The following KIAA1217 variants were observed in gnomAD, a reference collection of about 807,000 sequenced individuals.
The protein encoded by KIAA1217 is KIAA1217, also known as sickle tail protein homolog.
A neutral mutation model predicts 163.9 loss-of-function variants in KIAA1217; 88 were observed. The ratio of observed to expected loss-of-function variants is 0.54; its 90% CI spans 0.45 to 0.64. The LOEUF (loss-of-function observed/expected upper bound fraction) is 0.64. KIAA1217 is among the 30% of genes least tolerant of loss of function. The probability of loss-of-function intolerance (pLI) is 0.00; values close to 1 mark genes in which losing one functional copy is unlikely to be tolerated. For synonymous variants in KIAA1217, 903 were observed against 923.1 expected, an observed-to-expected ratio of 0.98 and a Z score of 0.39; for missense variants, 2,372 against 2,475.0, an observed-to-expected ratio of 0.96 and a Z score of 0.88.
chr10:24,400,094 T>C (rs745827202), intron 3 of KIAA1217, among the ~76,000 whole-genome samples: 8 of 152,242 alleles, frequency 5.3e-5, no homozygotes, highest in Non-Finnish European at 1.0e-4. Flanking sequence ...ACTGATCATT[T>C]ATTTTTTAAA....
Position 24,536,329 on chromosome 10 carries a change from G to A in KIAA1217, c.3415-445G>A, listed in dbSNP as rs958717907. ...AAGGATTGCTAAGAGTACTTTTATT[G>A]TAAGACTTAAAGGTTTAAAACGTCT... On this transcript the variant is annotated intron_variant, in intron 16 of 20. Transcript: ENST00000376454. Among the ~76,000 whole-genome samples the A allele has an allele frequency of 2.6e-5, 4 of 152,180 alleles. No homozygotes were observed. In the South Asian group the frequency reaches 8.3e-4, roughly 32 times the overall value.
chr10:23,853,452 C>G (rs1490440658), intron 1 of KIAA1217, among the ~76,000 whole-genome samples: 1 of 152,172 alleles, frequency 6.6e-6, no homozygotes, highest in Non-Finnish European at 1.5e-5. Flanking sequence ...CAATGTTCAT[C>G]AAGGATATTG....
chr10:23,967,363 A>C (rs1343564703), intron 1 of KIAA1217, among the ~76,000 whole-genome samples: 1 of 152,188 alleles, frequency 6.6e-6, no homozygotes, highest in Non-Finnish European at 1.5e-5. Context: ...TTATTATAAC[A>C]AAAACAAATA....
At chr10:23,935,653 A>C (rs1311209702) in intron 1 of KIAA1217, among the ~76,000 whole-genome samples, 1 of 141,034 alleles carries the variant, frequency 7.1e-6, no homozygotes, top group Non-Finnish European at 1.5e-5. Flanking sequence ...TTGATAAAAC[A>C]AATAAAAGGT....
intron 5 of KIAA1217, among the ~76,000 whole-genome samples, chr10:24,465,722 G>A (rs1041636681): frequency 1.3e-5 from 2 of 152,196 alleles, no homozygotes; most frequent in African/African-American, 4.8e-5. Flanking sequence ...GCTGAGAGCT[G>A]CACAAGTCAC....
intron 3 of KIAA1217, among the ~76,000 whole-genome samples, chr10:24,389,840 C>T (rs2054595068): frequency 6.6e-6 from 1 of 151,888 alleles, no homozygotes; most frequent in South Asian, 2.1e-4. Flanking sequence ...TGTTTTTTTT[C>T]AGCATTATTT....
intron 2 of KIAA1217, among the ~76,000 whole-genome samples, chr10:24,120,011 C>T (rs1379677809): frequency 1.3e-5 from 2 of 152,176 alleles, no homozygotes; most frequent in Non-Finnish European, 2.9e-5. Flanking sequence ...CTCCAGCTTT[C>T]CCTATTCTTT....
intron 1 of KIAA1217, among the ~76,000 whole-genome samples, chr10:23,792,189 T>C (rs1835980202): frequency 6.6e-6 from 1 of 152,182 alleles, no homozygotes; most frequent in Admixed American, 6.5e-5. Context: ...GTCAGTGGGG[T>C]CAGGAAAAGG....
intron 1 of KIAA1217, among the ~76,000 whole-genome samples, chr10:23,726,921 C>G (rs1043769654): frequency 1.3e-5 from 2 of 149,620 alleles, no homozygotes; most frequent in Admixed American, 6.7e-5. Context: ...CTCAATACTG[C>G]TATGATAATT....
In KIAA1217 at chr10:23,818,319, C is replaced by CTA. The variant is rs1361405294; in HGVS notation, c.-321+123095_-321+123096dup. On this transcript the variant is annotated intron_variant, in intron 1 of 18. Transcript: ENST00000376462. ...ATATATAAATTATATATATATAACA[C>CTA]TATATATATATTTTATATATATATA... is the stretch of plus-strand genomic sequence containing the variant. Among the ~76,000 whole-genome samples the CTA allele has an allele frequency of 8.2e-5, 10 of 121,786 alleles. No individual in the cohort carries two copies. The East Asian group carries it at 1.5e-3, about 18-fold the overall frequency. 79.9% of individuals were successfully genotyped at this position (121,786 alleles called of 152,430 possible).
chr10:23,880,648 G>A (rs1365319807), intron 1 of KIAA1217, among the ~76,000 whole-genome samples: 1 of 151,888 alleles, frequency 6.6e-6, no homozygotes, highest in Non-Finnish European at 1.5e-5. Flanking sequence ...TAAGGGGATG[G>A]CACTCTGTCC....
intron 2 of KIAA1217, among the ~76,000 whole-genome samples, chr10:24,361,041 G>T (rs1219021929): frequency 6.6e-6 from 1 of 151,894 alleles, no homozygotes; most frequent in African/African-American, 2.4e-5. Context: ...ACTAAGAGTA[G>T]GAGAATTATT....
intron 1 of KIAA1217, among the ~76,000 whole-genome samples, chr10:24,217,349 TCTC>T (rs1459854537): frequency 6.6e-6 from 1 of 152,168 alleles, no homozygotes. Context: ...TCCATCTTCT[TCTC>T]CTTGTAAACT....
intron 2 of KIAA1217, among the ~76,000 whole-genome samples, chr10:24,368,224 A>G (rs1360230739): frequency 1.3e-5 from 2 of 152,146 alleles, no homozygotes; most frequent in South Asian, 2.1e-4. Context: ...TTCCGTGCGC[A>G]TGTATTGTGC....
intron 2 of KIAA1217, among the ~76,000 whole-genome samples, chr10:24,298,745 C>A (rs1196927886): frequency 6.6e-6 from 1 of 152,010 alleles, no homozygotes; most frequent in East Asian, 1.9e-4. Context: ...CCATGGTGAG[C>A]CAAGATCGCA....
intron 2 of KIAA1217, among the ~76,000 whole-genome samples, chr10:24,337,644 TC>T (rs2046549930): frequency 6.4e-5 from 4 of 62,168 alleles, no homozygotes; most frequent in African/African-American, 5.4e-4. Flanking sequence ...TCTTTTCTTT[TC>T]TTTTCTTTTT....
intron 2 of KIAA1217, among the ~76,000 whole-genome samples, chr10:24,240,704 G>A (rs1021541659): frequency 2.0e-5 from 3 of 152,180 alleles, no homozygotes; most frequent in African/African-American, 7.2e-5. Flanking sequence ...CAAAACAGAC[G>A]TAGCACAGTT....
At chr10:24,523,258 G>T (rs1016196270) in intron 12 of KIAA1217, among the ~76,000 whole-genome samples, 1 of 152,110 alleles carries the variant, frequency 6.6e-6, no homozygotes, top group African/African-American at 2.4e-5. Flanking sequence ...AGAGTTTGAG[G>T]CTGCAGTGGG....
chr10:24,315,866 A>G (rs1276075515), intron 2 of KIAA1217, among the ~76,000 whole-genome samples: 1 of 149,798 alleles, frequency 6.7e-6, no homozygotes, highest in Non-Finnish European at 1.5e-5. Flanking sequence ...GTTTTTTGTG[A>G]TGACTTTAAC....
Sources: gnomAD v4.1 joint callset for allele counts (sites outside exome capture counted in the v4.1 genomes callset) on GRCh38, gnomAD v4.1.1 for gene constraint, MANE v1.5 for transcripts, NCBI Gene and HGNC (gene_info 2026-07-23, HGNC 2026-07-21) for gene names.